Variants in NRP1 observed in about 807,000 individuals in gnomAD.
The protein encoded by NRP1 is neuropilin-1.
Under a neutral mutation model 106.7 loss-of-function variants are expected in NRP1, and 35 were observed. The ratio of observed to expected loss-of-function variants is 0.33; its 90% CI spans 0.25 to 0.43. The LOEUF is 0.43. Ranked by LOEUF, NRP1 falls within the 20% of genes least tolerant of loss-of-function variation. NRP1 has a pLI of 1.00. For synonymous variants in NRP1, 437 were observed against 417.9 expected (o/e 1.05, Z -0.56); for missense variants, 1,024 against 1,170.4 (o/e 0.87, Z 1.83).
chr10:33,292,315 C>T (rs922611930), intron 2 of NRP1, among the ~76,000 whole-genome samples: 1 of 151,760 alleles, frequency 6.6e-6, no homozygotes, highest in Non-Finnish European at 1.5e-5. Context: ...ATCCTCTCTG[C>T]TAATTTACTT....
At chr10:33,249,441 A>C in intron 6 of NRP1, 1 of 524,318 alleles carries the variant, frequency 1.9e-6, no homozygotes, top group South Asian at 1.4e-5. Context: ...TTTATTTTAT[A>C]GGAAAAGAAA....
In NRP1 at chr10:33,334,330, G is replaced by C; in HGVS notation, c.53C>G (p.Pro18Arg). ...CTTACCGTTGCGAAAAGCGCCGGCC[G>C]GGGCGAGGACGAGGGCGAGCACGGC... ...LCAVLALVLA[P>R]AGAFRNDKCG... The change falls in exon 1 of 17, where the codon CCG becomes CGG. Residue 18 changes from proline (P) to arginine (R), a missense_variant. Coordinates refer to ENST00000374867, the MANE Select transcript of NRP1 (RefSeq NM_003873.7). 3 of 1,544,210 alleles carry C rather than the reference G, an allele frequency of 1.9e-6. No individual in the cohort carries two copies. The highest frequency in any genetic ancestry group is 2.6e-6 in the Non-Finnish European group (3 of 1,146,712).
chr10:33,184,834 C>T (rs541644200), intron 15 of NRP1, among the ~76,000 whole-genome samples: 1 of 152,292 alleles, frequency 6.6e-6, no homozygotes, highest in East Asian at 1.9e-4. Context: ...ACCCCCATTA[C>T]AGCCAACAGA....
chr10:33,196,735 T>C (rs1439157015), intron 12 of NRP1, among the ~76,000 whole-genome samples: 5 of 152,130 alleles, frequency 3.3e-5, no homozygotes, highest in African/African-American at 1.2e-4. Context: ...ACAGCGTCCT[T>C]TAAGGAAGCA....
intron 6 of NRP1, among the ~76,000 whole-genome samples, chr10:33,251,210 C>A (rs1841833103): frequency 6.6e-6 from 1 of 152,172 alleles, no homozygotes; most frequent in African/African-American, 2.4e-5. Context: ...CCTTCACTCG[C>A]CTCTTTCACC....
chr10:33,201,944 CCAATAACATGGCTTTATTATGAA>C (rs1338839621), intron 11 of NRP1: 1 of 152,106 alleles, frequency 6.6e-6, no homozygotes, highest in Non-Finnish European at 1.5e-5. Context: ...AATGCATTAG[CCAATAACATGGCTTTATTATGAA>C]GTTACATGGT....
chr10:33,215,004 T>A (rs1284647508), intron 8 of NRP1, among the ~76,000 whole-genome samples: 2 of 152,052 alleles, frequency 1.3e-5, no homozygotes, highest in Non-Finnish European at 2.9e-5. Flanking sequence ...AAGCGGTAAA[T>A]TTTATGTTAT....
intron 3 of NRP1, among the ~76,000 whole-genome samples, chr10:33,264,971 G>A (rs531988022): frequency 2.3e-4 from 35 of 152,102 alleles, no homozygotes; most frequent in African/African-American, 6.5e-4. Context: ...TTAGCTGGGC[G>A]TGGTCGTGGG....
In NRP1 at chr10:33,213,397, G is replaced by T; in HGVS notation, c.1603C>A (p.Arg535Ser). 5 of 1,613,920 alleles carry T rather than the reference G, an allele frequency of 3.1e-6. No homozygotes were observed. The highest frequency in any genetic ancestry group is 2.2e-5 in the South Asian group (2 of 91,058). ...TCCCCAGCCCTCACCTTCGCCTTGC[G>T]TTTGCTGTCATCCATGATCATCTTC... Reference protein sequence around the residue: ...DWKMIMDDSKRKAKSFEGNNN... With the variant: ...DWKMIMDDSKSKAKSFEGNNN... The change falls in exon 9 of 17, where the codon CGC becomes AGC. Residue 535 changes from arginine to serine, a missense_variant. By Grantham distance (110) the Arg-to-Ser change is moderately radical (BLOSUM62 -1). Transcript: ENST00000374867.
At chr10:33,325,888 T>C (rs78352287) in intron 2 of NRP1, among the ~76,000 whole-genome samples, 1,566 of 152,282 alleles carry the variant, frequency 0.01, 13 homozygotes, top group Non-Finnish European at 0.015. Flanking sequence ...TGCCATGATA[T>C]GAAACAGCAC....
At chr10:33,287,184 T>C (rs754733015) in intron 2 of NRP1, among the ~76,000 whole-genome samples, 1 of 152,238 alleles carries the variant, frequency 6.6e-6, no homozygotes, top group Admixed American at 6.5e-5. Flanking sequence ...TTGGCAGTCA[T>C]TAAAAATAAT....
chr10:33,299,999 C>CTGA (rs1845689258), intron 2 of NRP1, among the ~76,000 whole-genome samples: 1 of 152,226 alleles, frequency 6.6e-6, no homozygotes, highest in African/African-American at 2.4e-5. Context: ...AGTTCACACT[C>CTGA]TGAACTGCCT....
chr10:33,212,981 A>G (rs1032475996), intron 9 of NRP1: 5 of 494,846 alleles, frequency 1.0e-5, no homozygotes, highest in African/African-American at 7.7e-5. Flanking sequence ...CACAATAAAA[A>G]TTTATAAAAG....
chr10:33,303,963 G>A (rs1845975072), intron 2 of NRP1, among the ~76,000 whole-genome samples: 1 of 152,290 alleles, frequency 6.6e-6, no homozygotes, highest in South Asian at 2.1e-4. Flanking sequence ...TCATGACAAT[G>A]AGAAATAAGA....
At chr10:33,289,585 G>A (rs1375746444) in intron 2 of NRP1, among the ~76,000 whole-genome samples, 1 of 152,078 alleles carries the variant, frequency 6.6e-6, no homozygotes, top group African/African-American at 2.4e-5. Flanking sequence ...CTCGAAGAGC[G>A]GCAATTCATT....
chr10:33,180,157 C>A lies in NRP1; in HGVS notation c.2691G>T (p.Glu897Asp), dbSNP rs1835588618. The A allele has an allele frequency of 6.2e-7, 1 of 1,614,006 alleles. No individual in the cohort carries two copies. The highest frequency in any genetic ancestry group is 8.5e-7 in the Non-Finnish European group (1 of 1,180,042). ...CATCCACAAGTTCAAAGTTATAGTT[C>A]TCCAGGGCAGACAAGTTTCTTTCTG... Reference protein sequence around the residue: ...GMSERNLSALENYNFELVDGV... With the variant: ...GMSERNLSALDNYNFELVDGV... Residue 897 changes from glutamate to aspartate, a missense_variant, in exon 17 of 17, where the codon GAG (glutamate) becomes GAT (aspartate). By Grantham distance (45) the Glu-to-Asp change is conservative (BLOSUM62 2). Transcript: ENST00000374867.
At chr10:33,189,770 C>G (rs1054043809) in intron 13 of NRP1, among the ~76,000 whole-genome samples, 1 of 152,212 alleles carries the variant, frequency 6.6e-6, no homozygotes, top group Non-Finnish European at 1.5e-5. Context: ...CAATGTCTGG[C>G]TTGCAAAGTT....
At chr10:33,323,241 C>CA (rs5784334) in intron 2 of NRP1, among the ~76,000 whole-genome samples, 91,926 of 150,352 alleles carry the variant, frequency 0.61, 30,192 homozygotes, top group Non-Finnish European at 0.71. Context: ...ATATGTTTTT[C>CA]AAAAAAAAAC....
chr10:33,191,977 CAAAAAAAAAAAA>C (rs58214479), intron 13 of NRP1, among the ~76,000 whole-genome samples: 1 of 71,744 alleles, frequency 1.4e-5, no homozygotes, highest in Non-Finnish European at 3.1e-5. Context: ...GACTCCATTT[CAAAAAAAAAAAA>C]AAAAAAAAAA....
Sources: gnomAD v4.1 joint callset for allele counts (sites outside exome capture counted in the v4.1 genomes callset) on GRCh38, gnomAD v4.1.1 for gene constraint, MANE v1.5 for transcripts, NCBI Gene and HGNC (gene_info 2026-07-23, HGNC 2026-07-21) for gene names.